ADPRHL1: variants seen among roughly 807,000 people sequenced by gnomAD.
ADPRHL1 encodes ADP-ribosylhydrolase like 1, also known as inactive ADP-ribosyltransferase ARH2.
A neutral mutation model predicts 44.1 loss-of-function variants in ADPRHL1; 43 were observed. The observed-to-expected ratio is 0.98, with a 90% CI of 0.76 to 1.26. The LOEUF (loss-of-function observed/expected upper bound fraction) is 1.26. ADPRHL1 is among the 50% of genes most tolerant of loss of function. The probability of loss-of-function intolerance (pLI) is 0.00; values close to 1 mark genes in which losing one functional copy is unlikely to be tolerated. For synonymous variants in ADPRHL1, 878 were observed against 1,017.4 expected (o/e 0.86, Z 2.61); for missense variants, 2,022 against 2,496.9 (o/e 0.81, Z 4.05).
rs573667739 is a variant in ADPRHL1, at chr13:113,433,070, G to A, written c.505+672C>T. Among the ~76,000 whole-genome samples the A allele has an allele frequency of 2.6e-3, 397 of 152,190 alleles. 2 individuals are homozygous for A. The highest frequency in any genetic ancestry group is 9.0e-3 in the African/African-American group (373 of 41,460). On this transcript the variant is annotated intron_variant, in intron 3 of 7. Transcript: ENST00000612156. ...GCCAGCTGGCACAGACCACAAGGAC[G>A]GAAGTGCCGTGTTAAGGGGGCGACA...
At position 113,433,728 on chromosome 13, in the gene ADPRHL1, C is replaced by A; in HGVS notation, c.505+14G>T. 2 of 1,581,794 alleles carry A rather than the reference C, an allele frequency of 1.3e-6. No individual in the cohort carries two copies. Among genetic ancestry groups the A allele is most frequent in the Non-Finnish European group, 1.7e-6 (2 of 1,167,460 alleles). On this transcript the variant is annotated intron_variant, in intron 3 of 7. Transcript: ENST00000612156. ...TCCACGCTGACCTCCCTCCCACCCC[C>A]CGCCCACACTTACCTGTGGGATGGT...
rs943975796 is a variant in ADPRHL1, at chr13:113,430,163, T to C, written c.506-1071A>G. Among the ~76,000 whole-genome samples, 4 of 152,144 alleles carry C rather than the reference T, an allele frequency of 2.6e-5. No individual in the cohort carries two copies. In the South Asian group the frequency reaches 8.3e-4, roughly 32 times the overall value. On this transcript the variant is annotated intron_variant, in intron 3 of 7. Coordinates refer to ENST00000612156, the MANE Select transcript of ADPRHL1 (RefSeq NM_001394807.1). ...GGCCCCACTAGGCTCCCATCCACCATTGCAGTGGCCTCATTCCGCTAGTGT... is the reference window on the plus strand; with the variant it reads ...GGCCCCACTAGGCTCCCATCCACCACTGCAGTGGCCTCATTCCGCTAGTGT...
Position 113,409,165 on chromosome 13 carries a change from G to A in ADPRHL1, c.1062-945C>T, listed in dbSNP as rs1196180625. Reference sequence around the variant, plus strand: ...GACGGGACCAAATGGGTCTTGGCTGGAGAGACAGGGTCTTTGTGATTTGAT... The same window carrying A: ...GACGGGACCAAATGGGTCTTGGCTGAAGAGACAGGGTCTTTGTGATTTGAT... On this transcript the variant is annotated intron_variant, in intron 7 of 7. Transcript: ENST00000612156. This position sits in a 1 kb window ranked among gnomAD's most constrained non-coding sequence, Gnocchi z 4.2. 6.6e-6 allele frequency among the ~76,000 whole-genome samples: 1 copy of A among 152,218 alleles called. No individual in the cohort carries two copies. Among genetic ancestry groups the A allele is most frequent in the African/African-American group, 2.4e-5 (1 of 41,458 alleles).
chr13:113,431,821 T>C (rs2044009523), intron 3 of ADPRHL1, among the ~76,000 whole-genome samples: 1 of 152,046 alleles, frequency 6.6e-6, no homozygotes, highest in African/African-American at 2.4e-5. Flanking sequence ...GTTCAAGCGA[T>C]TCTCCTGCCT....
At chr13:113,421,996 T>C (rs926713158) in intron 7 of ADPRHL1, 4 of 152,110 alleles carry the variant, frequency 2.6e-5, no homozygotes, top group African/African-American at 9.7e-5. Flanking sequence ...AAAAATCACG[T>C]CCAAATTTAT....
intron 7 of ADPRHL1, among the ~76,000 whole-genome samples, chr13:113,411,764 G>A (rs1380926913): frequency 2.0e-5 from 3 of 152,242 alleles, no homozygotes; most frequent in African/African-American, 4.8e-5. Flanking sequence ...GGAGGCGTCC[G>A]CGGTTCAGGA....
In ADPRHL1 at chr13:113,404,263, C is replaced by T; in HGVS notation, c.5019G>A (p.Gln1673=). ...TCTGGGCCTGTTCCCGAGCCCGTTCCTGAGCCCCCTTCTGGGCCTGACCCT... is the reference window on the plus strand; with the variant it reads ...TCTGGGCCTGTTCCCGAGCCCGTTCTTGAGCCCCCTTCTGGGCCTGACCCT... The part of the protein sequence containing the change: ...EAQGQAQKGA[Q]ERAREQAQKG... Residue 1673 remains glutamine (Q), a synonymous_variant, in exon 8 of 8, where the codon CAG becomes CAA. Coordinates refer to ENST00000612156, the MANE Select transcript of ADPRHL1 (RefSeq NM_001394807.1). 7.6e-7 allele frequency: 1 copy of T among 1,318,628 alleles called. No individual in the cohort carries two copies. Among genetic ancestry groups the T allele is most frequent in the Non-Finnish European group, 9.6e-7 (1 of 1,042,516 alleles). The allele number at this position is 1,318,628 out of a possible 1,614,324, so 81.7% of individuals were successfully genotyped here. A position where few individuals can be genotyped will look rare whatever the true frequency, so the allele number is the denominator to read the frequency against.
At chr13:113,436,357 C>G (rs1391105947) in intron 2 of ADPRHL1, among the ~76,000 whole-genome samples, 2 of 122,430 alleles carry the variant, frequency 1.6e-5, no homozygotes, top group Non-Finnish European at 3.5e-5. Context: ...ACCCCGGGAC[C>G]CAGCACCCAG....
intron 7 of ADPRHL1, among the ~76,000 whole-genome samples, chr13:113,417,064 G>C (rs983542021): frequency 6.6e-6 from 1 of 152,236 alleles, no homozygotes; most frequent in Non-Finnish European, 1.5e-5. Flanking sequence ...AGACAGCAAA[G>C]CTGCGTCATG....
chr13:113,405,119 T>G lies in ADPRHL1; in HGVS notation c.4163A>C (p.Glu1388Ala). 8.1e-7 allele frequency: 1 copy of G among 1,232,220 alleles called. No individual in the cohort carries two copies. The allele number at this position is 1,232,220 out of a possible 1,614,324, so 76.3% of individuals were successfully genotyped here. ...GRQQSHQAQEETPQPGDAGKR... is the reference protein window; with the variant it reads ...GRQQSHQAQEATPQPGDAGKR... ...CCCCGCATCCCCGGGCTGGGGGGTC[T>G]CCTCCTGTGCCTGGTGACTCTGTTG... is the stretch of plus-strand genomic sequence containing the variant. Residue 1388 changes from glutamate (E) to alanine (A), a missense_variant, in exon 8 of 8, where the codon GAG becomes GCG. By Grantham distance (107) the Glu-to-Ala change is moderately radical. This residue lies in a region of ADPRHL1 where 1,221 missense variants were observed against 1,517.8 expected (regional missense o/e 0.80). Transcript: ENST00000612156.
At chr13:113,410,112 G>A (rs182169303) in intron 7 of ADPRHL1, 3 of 985,382 alleles carry the variant, frequency 3.0e-6, no homozygotes, top group Admixed American at 1.2e-4. Flanking sequence ...TGTTGCCGTG[G>A]GCACGCGATG....
At chr13:113,435,970 C>A (rs1470643619) in intron 2 of ADPRHL1, among the ~76,000 whole-genome samples, 8 of 151,690 alleles carry the variant, frequency 5.3e-5, no homozygotes, top group Non-Finnish European at 1.0e-4. Flanking sequence ...TACAGGTGTA[C>A]CCCGGGACCC....
At chr13:113,429,212 A>T in intron 3 of ADPRHL1, 120 bp from the exon 4 acceptor site, 1 of 1,343,742 alleles carries the variant, frequency 7.4e-7, no homozygotes, top group East Asian at 2.5e-5. Flanking sequence ...CGTCTTTCCC[A>T]TGTTCAGGTG....
chr13:113,406,651 A>G lies in ADPRHL1; in HGVS notation c.2631T>C (p.Asn877=), dbSNP rs2043810922. ...ATTCTGTGTGGGCATTTTCAACCAC[A>G]TTCTCTCCTCCACAAATACAAGGTT... ...ENKPCICGGE[N]VVENAHTEFP... The change falls in exon 8 of 8, where the codon AAT becomes AAC. Residue 877 remains asparagine, a synonymous_variant. Transcript: ENST00000612156. The G allele has an allele frequency of 1.7e-6, 2 of 1,209,066 alleles. No individual in the cohort carries two copies. Among genetic ancestry groups the G allele is most frequent in the Admixed American group, 4.6e-5 (1 of 21,870 alleles). The allele number at this position is 1,209,066 out of a possible 1,614,324, so 74.9% of individuals were successfully genotyped here.
At chr13:113,426,428 A>C (rs1321454047) in intron 4 of ADPRHL1, among the ~76,000 whole-genome samples, 1 of 152,224 alleles carries the variant, frequency 6.6e-6, no homozygotes, top group South Asian at 2.1e-4. Flanking sequence ...GTGACAGGGC[A>C]CAGATCCTGT....
chr13:113,433,140 G>A (rs986299421), intron 3 of ADPRHL1, among the ~76,000 whole-genome samples: 1 of 152,228 alleles, frequency 6.6e-6, no homozygotes, highest in Non-Finnish European at 1.5e-5. Flanking sequence ...TTGGGGGTGT[G>A]ATTCACATGT....
chr13:113,431,871 G>A (rs747069503), intron 3 of ADPRHL1, among the ~76,000 whole-genome samples: 19 of 151,898 alleles, frequency 1.3e-4, no homozygotes, highest in East Asian at 1.2e-3. Flanking sequence ...ATGCACCACC[G>A]TGCCCAGCTA....
intron 7 of ADPRHL1, among the ~76,000 whole-genome samples, chr13:113,413,470 T>C (rs1268761613): frequency 1.3e-5 from 2 of 152,248 alleles, no homozygotes; most frequent in African/African-American, 2.4e-5. Context: ...AGTCATGGAC[T>C]GAGAGGGGGG....
intron 1 of ADPRHL1, chr13:113,449,032 T>G: frequency 4.1e-6 from 4 of 986,612 alleles, no homozygotes; most frequent in Non-Finnish European, 4.8e-6. Flanking sequence ...TTGGTGATAA[T>G]GCGCTGGCAA....
Sources: allele counts gnomAD v4.1 joint callset (sites outside exome capture counted in the v4.1 genomes callset), GRCh38; gene constraint gnomAD v4.1.1; regional missense constraint gnomAD v4.1.1; non-coding constraint Gnocchi (gnomAD v3.1); transcripts MANE v1.5; gene names NCBI Gene and HGNC (gene_info 2026-07-23, HGNC 2026-07-21).